The following EDARADD variants were observed in gnomAD, a reference collection of about 807,000 sequenced individuals.
EDARADD encodes the protein ectodysplasin-A receptor-associated adapter protein.
Under a neutral mutation model 25.6 loss-of-function variants are expected in EDARADD, and 20 were observed. The observed-to-expected ratio is 0.78, with a 90% CI of 0.55 to 1.14. EDARADD has a LOEUF of 1.14. Among genes scored for constraint, EDARADD ranks in the 50% most tolerant of loss-of-function variants. EDARADD has a pLI of 0.00. For missense variants in EDARADD, 225 were observed against 270.1 expected (o/e 0.83, Z 1.17); for synonymous variants, 86 against 94.4 (o/e 0.91, Z 0.52).
intron 4 of EDARADD, among the ~76,000 whole-genome samples, chr1:236,447,165 C>CTTTTT (rs1658566466): frequency 8.1e-6 from 1 of 122,892 alleles, no homozygotes; most frequent in African/African-American, 3.5e-5. Flanking sequence ...TCCCTCCCTC[C>CTTTTT]CTCCCTCTTT....
intron 5 of EDARADD, among the ~76,000 whole-genome samples, chr1:236,470,056 C>A (rs1659318239): frequency 6.6e-6 from 1 of 151,950 alleles, no homozygotes; most frequent in Non-Finnish European, 1.5e-5. Flanking sequence ...CTCAGCCATC[C>A]AAAGTGCTGG....
intron 4 of EDARADD, among the ~76,000 whole-genome samples, chr1:236,437,010 G>A (rs1384930504): frequency 1.3e-5 from 2 of 152,224 alleles, no homozygotes; most frequent in Non-Finnish European, 2.9e-5. Flanking sequence ...TGTATTACCA[G>A]CACTCCCTTA....
intron 4 of EDARADD, among the ~76,000 whole-genome samples, chr1:236,435,529 A>G (rs1658227061): frequency 2.0e-5 from 3 of 152,220 alleles, no homozygotes; most frequent in Admixed American, 1.3e-4. Flanking sequence ...AATGGTCACC[A>G]CCCTCAGGAG....
At chr1:236,433,683 C>T (rs1658167488) in intron 4 of EDARADD, among the ~76,000 whole-genome samples, 1 of 151,556 alleles carries the variant, frequency 6.6e-6, no homozygotes, top group Admixed American at 6.6e-5. Context: ...CATCAAGATC[C>T]AGAGTGGTTA....
At chr1:236,458,296 G>A (rs1232298860) in intron 4 of EDARADD, among the ~76,000 whole-genome samples, 1 of 152,196 alleles carries the variant, frequency 6.6e-6, no homozygotes, top group Non-Finnish European at 1.5e-5. Context: ...ATAAATTATG[G>A]TGCATCAGTG....
At chr1:236,375,382 G>A (rs577209998) in intron 3 of EDARADD, among the ~76,000 whole-genome samples, 8 of 152,156 alleles carry the variant, frequency 5.3e-5, no homozygotes, top group South Asian at 2.1e-4. Context: ...CAGGCCAGGC[G>A]CAGTGGCTCA....
chr1:236,458,769 G>A (rs1230995075), intron 4 of EDARADD, among the ~76,000 whole-genome samples: 4 of 149,650 alleles, frequency 2.7e-5, no homozygotes, highest in Non-Finnish European at 5.9e-5. Context: ...TCAGCCTCCC[G>A]AGTAGCTGGG....
At chr1:236,421,704 ACC>A (rs1305084054) in intron 3 of EDARADD, among the ~76,000 whole-genome samples, 5 of 151,670 alleles carry the variant, frequency 3.3e-5, no homozygotes, top group Admixed American at 3.3e-4. Context: ...CACCATGTTA[ACC>A]TAACCTCTAA....
At chr1:236,376,058 CCAAG>C (rs1558103914) in intron 3 of EDARADD, among the ~76,000 whole-genome samples, 2 of 151,538 alleles carry the variant, frequency 1.3e-5, no homozygotes, top group South Asian at 2.1e-4. Context: ...CTTCAGCCTC[CCAAG>C]TGACTGGGAT....
At chr1:236,475,365 G>T (rs929002870) in intron 5 of EDARADD, among the ~76,000 whole-genome samples, 4 of 152,202 alleles carry the variant, frequency 2.6e-5, no homozygotes, top group Non-Finnish European at 5.9e-5. Flanking sequence ...AAGTCCTCCA[G>T]AGAGCTAATT....
intron 4 of EDARADD, among the ~76,000 whole-genome samples, chr1:236,440,261 A>T (rs1405084572): frequency 6.6e-6 from 1 of 152,042 alleles, no homozygotes; most frequent in Non-Finnish European, 1.5e-5. Context: ...CACTGTTTTG[A>T]TTACTGTAGC....
intron 4 of EDARADD, among the ~76,000 whole-genome samples, chr1:236,454,900 G>A (rs1253618): frequency 2.0e-5 from 3 of 152,006 alleles, no homozygotes; most frequent in Admixed American, 6.6e-5. Context: ...GAGATGGAAG[G>A]GTTGCTCCTT....
intron 4 of EDARADD, among the ~76,000 whole-genome samples, chr1:236,434,247 T>C (rs912358525): frequency 2.1e-4 from 32 of 152,068 alleles, no homozygotes; most frequent in African/African-American, 6.8e-4. Context: ...TTTTTTGCTT[T>C]TTTTTTTTGA....
Position 236,379,396 on chromosome 1 carries a change from A to G in EDARADD, c.-6+28557A>G, listed in dbSNP as rs568259136. Among the ~76,000 whole-genome samples, 1,226 of 150,340 alleles carry G rather than the reference A, an allele frequency of 8.2e-3. 12 individuals are homozygous for G. Among genetic ancestry groups the G allele is most frequent in the Non-Finnish European group, 9.6e-3 (650 of 67,758 alleles). ...AAAATAAATAAATAAATAAACAACT[A>G]AAGTCACAATCCCTGCCTTCTCAAG... On this transcript the variant is annotated intron_variant, in intron 3 of 7. Coordinates refer to the EDARADD transcript ENST00000439430.
In EDARADD at chr1:236,395,675, C is replaced by A. The variant is rs946514794; in HGVS notation, c.61+1170C>A. ...TCTGCGCGCAGGTAAAGGGACACAG[C>A]GCCGCGCCCGCTCCTGGAGCGAGCA... On this transcript the variant is annotated intron_variant, in intron 1 of 5. Transcript: ENST00000334232. This position sits in a 1 kb window ranked among gnomAD's most constrained non-coding sequence, Gnocchi z 6.9. 2 of 1,563,636 alleles carry A rather than the reference C, an allele frequency of 1.3e-6. No homozygotes were observed. The highest frequency in any genetic ancestry group is 8.6e-7 in the Non-Finnish European group (1 of 1,158,146).
At chr1:236,388,020 AT>A (rs1423232769) in intron 3 of EDARADD, among the ~76,000 whole-genome samples, 1 of 2,884 alleles carries the variant, frequency 3.5e-4, no homozygotes. Context: ...AAAAAAAAAA[AT>A]AATAATAATA....
chr1:236,353,407 C>A (rs962485149), intron 3 of EDARADD, among the ~76,000 whole-genome samples: 1 of 152,078 alleles, frequency 6.6e-6, no homozygotes, highest in African/African-American at 2.4e-5. Flanking sequence ...GACAGCCAGG[C>A]GCGGTGGCTC....
At chr1:236,478,359 A>G (rs72753402) in intron 5 of EDARADD, among the ~76,000 whole-genome samples, 10,402 of 144,786 alleles carry the variant, frequency 0.072, 489 homozygotes, top group Non-Finnish European at 0.094. Flanking sequence ...CCATATATAT[A>G]TGTGTGTGTG....
chr1:236,436,222 A>G (rs973188581), intron 4 of EDARADD, among the ~76,000 whole-genome samples: 2 of 150,904 alleles, frequency 1.3e-5, no homozygotes, highest in Non-Finnish European at 3.0e-5. Context: ...CAGTGGTGTG[A>G]TCTCAGCTCA....
Sources: gnomAD v4.1 joint callset for allele counts (sites outside exome capture counted in the v4.1 genomes callset) on GRCh38, gnomAD v4.1.1 for gene constraint, Gnocchi (gnomAD v3.1) non-coding constraint, MANE v1.5 for transcripts, NCBI Gene and HGNC (gene_info 2026-07-23, HGNC 2026-07-21) for gene names.